SLC35F4: variants seen among roughly 807,000 people sequenced by gnomAD.
SLC35F4 encodes solute carrier family 35 member F4.
Under a neutral mutation model 44.2 loss-of-function variants are expected in SLC35F4, and 24 were observed. The ratio of observed to expected loss-of-function variants is 0.54; its 90% CI spans 0.39 to 0.76. The LOEUF (loss-of-function observed/expected upper bound fraction) is 0.76. Ranked by LOEUF, SLC35F4 falls within the 30% of genes least tolerant of loss-of-function variation. SLC35F4 has a pLI of 0.00. For synonymous variants in SLC35F4, 238 were observed against 223.6 expected (o/e 1.06, Z -0.57); for missense variants, 562 against 586.1 (o/e 0.96, Z 0.42).
intron 1 of SLC35F4, among the ~76,000 whole-genome samples, chr14:57,783,587 C>T (rs2077682746): frequency 6.6e-6 from 1 of 152,132 alleles, no homozygotes; most frequent in Admixed American, 6.6e-5. Context: ...ACCCAGCAGC[C>T]AATCTTTTGA....
At chr14:57,965,174 G>A (rs1167177295) in intron 1 of SLC35F4, among the ~76,000 whole-genome samples, 2 of 151,978 alleles carry the variant, frequency 1.3e-5, no homozygotes, top group African/African-American at 4.8e-5. Flanking sequence ...GTCTCACTGG[G>A]TTAAAAATTC....
Position 57,926,725 on chromosome 14 carries a change from TGGGGG to T in SLC35F4, n.282+55183_282+55187del, listed in dbSNP as rs3034470. Among the ~76,000 whole-genome samples the T allele has an allele frequency of 6.1e-4, 77 of 125,660 alleles. 1 individual carries two copies. The highest frequency in any genetic ancestry group is 3.7e-3 in the Admixed American group (45 of 12,000). 82.4% of individuals were successfully genotyped at this position (125,660 alleles called of 152,430 possible). On this transcript the variant is annotated intron_variant and non_coding_transcript_variant, in intron 1 of 1. Coordinates refer to the SLC35F4 transcript ENST00000556568. ...AAGGAATATAACAATGAAGTAGGGTTGGGGGGGGGGGGTGGATATATATAGCCAAA... is the reference window on the plus strand; with the variant it reads ...AAGGAATATAACAATGAAGTAGGGTTGGGGGGGTGGATATATATAGCCAAA...
chr14:57,734,901 G>T (rs1057293327), intron 1 of SLC35F4, among the ~76,000 whole-genome samples: 1 of 152,208 alleles, frequency 6.6e-6, no homozygotes, highest in African/African-American at 2.4e-5. Flanking sequence ...CCTTATGCCT[G>T]TGATCAGCAC....
chr14:57,584,091 T>C (rs1566645182), intron 3 of SLC35F4, among the ~76,000 whole-genome samples: 1 of 152,212 alleles, frequency 6.6e-6, no homozygotes, highest in Non-Finnish European at 1.5e-5. Flanking sequence ...TAGGCAAATA[T>C]GTCTTTGGCT....
intron 1 of SLC35F4, among the ~76,000 whole-genome samples, chr14:57,843,647 A>T (rs1007262914): frequency 6.6e-6 from 1 of 152,108 alleles, no homozygotes; most frequent in Non-Finnish European, 1.5e-5. Context: ...AAGACTGGAG[A>T]CGAAGGGTTT....
chr14:57,853,835 T>C (rs538171934), intron 1 of SLC35F4, among the ~76,000 whole-genome samples: 3 of 152,300 alleles, frequency 2.0e-5, no homozygotes, highest in South Asian at 2.1e-4. Flanking sequence ...TTTCAGCCTA[T>C]ACCATCTTAC....
intron 1 of SLC35F4, among the ~76,000 whole-genome samples, chr14:57,970,102 C>A (rs1881009212): frequency 6.6e-6 from 1 of 152,166 alleles, no homozygotes; most frequent in African/African-American, 2.4e-5. Flanking sequence ...AGGTTCAATA[C>A]CAAGAATCCT....
At chr14:57,761,554 T>G (rs1163598767) in intron 1 of SLC35F4, among the ~76,000 whole-genome samples, 1 of 152,184 alleles carries the variant, frequency 6.6e-6, no homozygotes, top group Non-Finnish European at 1.5e-5. Context: ...TTGTAAAATA[T>G]CAAAGCTCCC....
intron 1 of SLC35F4, among the ~76,000 whole-genome samples, chr14:57,628,766 A>T (rs1434080549): frequency 6.6e-6 from 1 of 152,226 alleles, no homozygotes; most frequent in Non-Finnish European, 1.5e-5. Flanking sequence ...TTTGGGCTCC[A>T]GATAAACTAC....
At chr14:57,635,000 G>A (rs1410913868) in intron 1 of SLC35F4, among the ~76,000 whole-genome samples, 1 of 152,068 alleles carries the variant, frequency 6.6e-6, no homozygotes, top group East Asian at 1.9e-4. Flanking sequence ...GCTCATGCCT[G>A]TAACCCCAGG....
intron 1 of SLC35F4, among the ~76,000 whole-genome samples, chr14:57,713,420 C>G (rs1041642206): frequency 6.6e-6 from 1 of 152,112 alleles, no homozygotes; most frequent in South Asian, 2.1e-4. Flanking sequence ...TTTATTTCCC[C>G]TCCCCTATCC....
chr14:57,920,734 T>G (rs1889424945), intron 1 of SLC35F4, among the ~76,000 whole-genome samples: 1 of 152,220 alleles, frequency 6.6e-6, no homozygotes, highest in Non-Finnish European at 1.5e-5. Context: ...TTAACCAGTC[T>G]ATAGAAATAA....
chr14:57,859,410 T>C (rs1264035100), intron 1 of SLC35F4, among the ~76,000 whole-genome samples: 1 of 152,222 alleles, frequency 6.6e-6, no homozygotes, highest in African/African-American at 2.4e-5. Flanking sequence ...AGTGGAATTA[T>C]GAGTAATTTT....
chr14:57,693,833 T>C (rs1339887081), intron 1 of SLC35F4, among the ~76,000 whole-genome samples: 1 of 152,056 alleles, frequency 6.6e-6, no homozygotes, highest in African/African-American at 2.4e-5. Context: ...TCTGTGTAGG[T>C]TCTATGCCCA....
chr14:57,813,838 G>T (rs886864831), intron 1 of SLC35F4, among the ~76,000 whole-genome samples: 3 of 152,152 alleles, frequency 2.0e-5, no homozygotes, highest in African/African-American at 7.2e-5. Flanking sequence ...CACACCACAG[G>T]AAGGGAGAAA....
intron 1 of SLC35F4, among the ~76,000 whole-genome samples, chr14:57,699,021 A>G (rs989420250): frequency 6.6e-6 from 1 of 152,204 alleles, no homozygotes; most frequent in Admixed American, 6.6e-5. Flanking sequence ...AAATCTGGAA[A>G]ATCAATGAAC....
intron 2 of SLC35F4, among the ~76,000 whole-genome samples, chr14:57,593,434 C>T (rs924640327): frequency 6.6e-5 from 10 of 152,198 alleles, no homozygotes; most frequent in Non-Finnish European, 1.3e-4. Flanking sequence ...AAAGTCTCAA[C>T]TGATCAGAAA....
chr14:57,601,340 T>C (rs945616526), intron 1 of SLC35F4, among the ~76,000 whole-genome samples: 7 of 152,168 alleles, frequency 4.6e-5, no homozygotes, highest in Admixed American at 4.6e-4. Flanking sequence ...ACTTTTATTT[T>C]AGATTCAGAG....
chr14:57,860,497 C>T (rs184061698), intron 1 of SLC35F4, among the ~76,000 whole-genome samples: 16 of 152,262 alleles, frequency 1.1e-4, no homozygotes, highest in Non-Finnish European at 1.9e-4. Flanking sequence ...CTCTTTTTCA[C>T]AGACAAGAAA....
Sources: allele counts gnomAD v4.1 joint callset (sites outside exome capture counted in the v4.1 genomes callset), GRCh38; gene constraint gnomAD v4.1.1; transcripts MANE v1.5; gene names NCBI Gene and HGNC (gene_info 2026-07-23, HGNC 2026-07-21).